The following ZNF264 variants were observed in gnomAD, a reference collection of about 807,000 sequenced individuals.
ZNF264 encodes the protein zinc finger protein 264.
A neutral mutation model predicts 11.2 loss-of-function variants in ZNF264; 11 were observed. The ratio of observed to expected loss-of-function variants is 0.98; its 90% CI spans 0.62 to 1.63. The LOEUF (loss-of-function observed/expected upper bound fraction) is 1.63. Among genes scored for constraint, ZNF264 ranks in the 40% most tolerant of loss-of-function variants. The pLI, the probability that ZNF264 is intolerant of heterozygous loss-of-function variation, is 0.00. For synonymous variants in ZNF264, 309 were observed against 279.8 expected (o/e 1.10, Z -1.04); for missense variants, 752 against 768.1 (o/e 0.98, Z 0.25).
rs777635139 is a variant in ZNF264, at chr19:57,191,879, C to T, written c.-35C>T. 7.1e-5 allele frequency: 97 copies of T among 1,366,708 alleles called. No homozygotes were observed. Among genetic ancestry groups the T allele is most frequent in the Admixed American group, 6.0e-4 (21 of 35,046 alleles). 84.7% of individuals were successfully genotyped at this position (1,366,708 alleles called of 1,614,324 possible). A position where few individuals can be genotyped will look rare whatever the true frequency, so the allele number is the denominator to read the frequency against. On this transcript the variant is annotated 5_prime_UTR_variant, in exon 1 of 4. Transcript: ENST00000263095. ...GGGTCCGTCAGGCCGCCCGGGGCTC[C>T]TCTGTCCCAGCTCTGCGGCCCAGGG...
Position 57,219,090 on chromosome 19 carries a change from GCT to G in ZNF264, c.*6114_*6115del, listed in dbSNP as rs1488374019. ...CATGGAATGTTTGTAAAATTCCCTAGCTCTCTGCACTGAGCTGAGATCGTGCC... is the reference window on the plus strand; with the variant it reads ...CATGGAATGTTTGTAAAATTCCCTAGCTCTGCACTGAGCTGAGATCGTGCC... On this transcript the variant is annotated 3_prime_UTR_variant, in exon 4 of 4. Coordinates refer to ENST00000263095, the MANE Select transcript of ZNF264 (RefSeq NM_003417.5). 1 of 151,656 alleles carries G rather than the reference GCT, an allele frequency of 6.6e-6. No homozygotes were observed. Among genetic ancestry groups the G allele is most frequent in the Admixed American group, 6.6e-5 (1 of 15,230 alleles). The allele number at this position is 151,656 out of a possible 1,614,324, so 9.4% of individuals were successfully genotyped here.
intron 2 of ZNF264, among the ~76,000 whole-genome samples, chr19:57,199,262 C>T (rs76675911): frequency 2.6e-5 from 4 of 152,058 alleles, no homozygotes; most frequent in Non-Finnish European, 5.9e-5. Context: ...CTGGATCTGG[C>T]AATTACAGGG....
chr19:57,199,952 G>A (rs1272498941), intron 2 of ZNF264, among the ~76,000 whole-genome samples: 2 of 151,228 alleles, frequency 1.3e-5, no homozygotes, highest in African/African-American at 4.9e-5. Flanking sequence ...TGCCACTATT[G>A]GGGATGCCAT....
chr19:57,212,067 T>G lies in ZNF264; in HGVS notation c.970T>G (p.Phe324Val), dbSNP rs2087341647. The change falls in exon 4 of 4, where the codon TTT becomes GTT. Residue 324 changes from phenylalanine to valine, a missense_variant. By Grantham distance (50) the Phe-to-Val change is conservative (BLOSUM62 -1). Coordinates refer to ENST00000263095, the MANE Select transcript of ZNF264 (RefSeq NM_003417.5). ...SFVCTECGQV[F>V]RHRPGFLRHY... ...TGTGTGCACAGAATGTGGCCAAGTCTTTCGACATAGGCCAGGCTTTCTCCG... is the reference window on the plus strand; with the variant it reads ...TGTGTGCACAGAATGTGGCCAAGTCGTTCGACATAGGCCAGGCTTTCTCCG... The G allele has an allele frequency of 1.9e-6, 3 of 1,613,906 alleles. No homozygotes were observed. Among genetic ancestry groups the G allele is most frequent in the Non-Finnish European group, 2.5e-6 (3 of 1,179,996 alleles).
chr19:57,194,900 G>A (rs748139360), intron 2 of ZNF264: 20 of 399,560 alleles, frequency 5.0e-5, no homozygotes, highest in African/African-American at 4.1e-4. Flanking sequence ...GTTACTGGTG[G>A]GAAGTATTAT....
At chr19:57,193,822 A>C in intron 1 of ZNF264, 53 bp from the exon 2 acceptor site, 1 of 1,603,870 alleles carries the variant, frequency 6.2e-7, no homozygotes, top group South Asian at 1.1e-5. Flanking sequence ...ACAGTCTGTG[A>C]TCTCATTCAG....
At chr19:57,196,245 A>G (rs1220861448) in intron 2 of ZNF264, among the ~76,000 whole-genome samples, 6 of 151,986 alleles carry the variant, frequency 3.9e-5, no homozygotes, top group Admixed American at 6.5e-5. Flanking sequence ...GTCAGAGGCA[A>G]TGCTGTGTGG....
chr19:57,196,003 G>A (rs1406548343), intron 2 of ZNF264, among the ~76,000 whole-genome samples: 1 of 151,838 alleles, frequency 6.6e-6, no homozygotes, highest in African/African-American at 2.4e-5. Flanking sequence ...GGCTATGGGA[G>A]AAACAGTACC....
chr19:57,217,261 T>C lies in ZNF264; in HGVS notation c.*4280T>C, dbSNP rs1212255515. 1 of 152,244 alleles carries C rather than the reference T, an allele frequency of 6.6e-6. No homozygotes were observed. Among genetic ancestry groups the C allele is most frequent in the African/African-American group, 2.4e-5 (1 of 41,466 alleles). 9.4% of individuals were successfully genotyped at this position (152,244 alleles called of 1,614,324 possible). A position where few individuals can be genotyped will look rare whatever the true frequency, so the allele number is the denominator to read the frequency against. On this transcript the variant is annotated 3_prime_UTR_variant, in exon 4 of 4. Transcript: ENST00000263095. ...GCATTTTTTAGTGATTGTTCTACTA[T>C]TACAGTGTAAATATATAACTTATGA...
At position 57,212,835 on chromosome 19, in the gene ZNF264, C is replaced by A. The variant is rs2087351280; in HGVS notation, c.1738C>A (p.Gln580Lys). 1 of 1,614,080 alleles carries A rather than the reference C, an allele frequency of 6.2e-7. No individual in the cohort carries two copies. Among genetic ancestry groups the A allele is most frequent in the Non-Finnish European group, 8.5e-7 (1 of 1,180,032 alleles). Residue 580 changes from glutamine (Q) to lysine (K), a missense_variant, in exon 4 of 4, where the codon CAA becomes AAA. Gln to Lys is a moderately conservative substitution (Grantham distance 53). Coordinates refer to ENST00000263095, the MANE Select transcript of ZNF264 (RefSeq NM_003417.5). ...TGTGGGAAGACCTTTTACAAGTGGA[C>A]AAACCTCAGTTACCCTTCGAGAACT... ...TDVGRPFTSGQTSVTLRELLL... is the reference protein window; with the variant it reads ...TDVGRPFTSGKTSVTLRELLL...
chr19:57,201,934 A>G (rs1046103876), intron 2 of ZNF264, among the ~76,000 whole-genome samples: 2 of 151,794 alleles, frequency 1.3e-5, no homozygotes, highest in African/African-American at 4.9e-5. Flanking sequence ...TCTATGGGCC[A>G]AGTGTGGTAG....
chr19:57,200,519 C>G (rs1385993118), intron 2 of ZNF264, among the ~76,000 whole-genome samples: 1 of 144,984 alleles, frequency 6.9e-6, no homozygotes, highest in Admixed American at 6.8e-5. Context: ...TGGGTCTTGT[C>G]TTTTTCTTTG....
chr19:57,192,424 C>T (rs2087180719), intron 1 of ZNF264: 3 of 985,312 alleles, frequency 3.0e-6, no homozygotes, highest in South Asian at 4.7e-5. Flanking sequence ...TCCGCAACTA[C>T]TGCAGACATT....
Position 57,212,119 on chromosome 19 carries a change from A to C in ZNF264, c.1022A>C (p.Asn341Thr), listed in dbSNP as rs1197339855. 7.4e-6 allele frequency: 12 copies of C among 1,613,982 alleles called. No individual in the cohort carries two copies. Among genetic ancestry groups the C allele is most frequent in the Non-Finnish European group, 1.0e-5 (12 of 1,180,030 alleles). ...CACTATGTTGTCCACAGTGGTGAGA[A>C]TCCCTATGAGTGCTTGGAGTGTGGC... ...LRHYVVHSGE[N>T]PYECLECGKV... is the part of the protein sequence containing the mutation. The change falls in exon 4 of 4, where the codon AAT (asparagine) becomes ACT (threonine). Residue 341 changes from asparagine (N) to threonine (T), a missense_variant. Asn to Thr is a moderately conservative substitution (Grantham distance 65, BLOSUM62 0). Coordinates refer to ENST00000263095, the MANE Select transcript of ZNF264 (RefSeq NM_003417.5).
Position 57,213,872 on chromosome 19 carries a change from C to T in ZNF264, c.*891C>T, listed in dbSNP as rs2087360152. 1 of 152,134 alleles carries T rather than the reference C, an allele frequency of 6.6e-6. No individual in the cohort carries two copies. Among genetic ancestry groups the T allele is most frequent in the Non-Finnish European group, 1.5e-5 (1 of 68,028 alleles). 9.4% of individuals were successfully genotyped at this position (152,134 alleles called of 1,614,324 possible). A position where few individuals can be genotyped will look rare whatever the true frequency, so the allele number is the denominator to read the frequency against. On this transcript the variant is annotated 3_prime_UTR_variant, in exon 4 of 4. Coordinates refer to ENST00000263095, the MANE Select transcript of ZNF264 (RefSeq NM_003417.5). ...GGCCTCTTAATTTATAATAGTTAAG[C>T]ATTCCTTAAAGTATTTCATTAATGT...
At chr19:57,206,699 T>C (rs959082811) in intron 3 of ZNF264, among the ~76,000 whole-genome samples, 12 of 151,992 alleles carry the variant, frequency 7.9e-5, no homozygotes, top group African/African-American at 2.9e-4. Context: ...CTCTAGGGAA[T>C]AGGGCCTTTC....
At chr19:57,201,821 G>A (rs987453986) in intron 2 of ZNF264, among the ~76,000 whole-genome samples, 1 of 151,762 alleles carries the variant, frequency 6.6e-6, no homozygotes, top group Non-Finnish European at 1.5e-5. Flanking sequence ...AGCCTTCCCC[G>A]GGCAGAACTT....
At chr19:57,200,492 C>A (rs920973559) in intron 2 of ZNF264, among the ~76,000 whole-genome samples, 6 of 151,118 alleles carry the variant, frequency 4.0e-5, no homozygotes, top group African/African-American at 9.8e-5. Context: ...TTTACTCCCC[C>A]ACCCCACCCC....
intron 1 of ZNF264, chr19:57,193,655 C>A: frequency 1.4e-6 from 1 of 710,408 alleles, no homozygotes; most frequent in Non-Finnish European, 1.7e-6. Context: ...TGTCCTGTGT[C>A]ATTCTCTAAC....
Sources: gnomAD v4.1 joint callset for allele counts (sites outside exome capture counted in the v4.1 genomes callset) on GRCh38, gnomAD v4.1.1 for gene constraint, MANE v1.5 for transcripts, NCBI Gene and HGNC (gene_info 2026-07-23, HGNC 2026-07-21) for gene names.